The following ACSL4 variants were observed in gnomAD, a reference collection of about 807,000 sequenced individuals.
The protein encoded by ACSL4 is long-chain-fatty-acid--CoA ligase 4.
Under a neutral mutation model 49.1 loss-of-function variants are expected in ACSL4, and 9 were observed. That is an observed-to-expected ratio of 0.18 (90% CI 0.11 to 0.32). The LOEUF (loss-of-function observed/expected upper bound fraction) is 0.32. ACSL4 is among the 10% of genes least tolerant of loss of function. The pLI is 1.00. For synonymous variants in ACSL4, 191 were observed against 170.3 expected (o/e 1.12, Z -0.95); for missense variants, 333 against 493.7 (o/e 0.67, Z 3.08).
Position 109,659,513 on chromosome X carries a change from T to TA in ACSL4, c.1698-3dup, listed in dbSNP as rs748641243. ...AAACTGATCACATAGGACTGATCAC[T>TA]AAAAAAACAGAAAATAAAATAGAAA... On this transcript the variant is annotated splice_region_variant and splice_polypyrimidine_tract_variant and intron_variant, in intron 14 of 15. Coordinates refer to ENST00000672401, the MANE Select transcript of ACSL4 (RefSeq NM_001318510.2). The TA allele has an allele frequency of 9.4e-6, 11 of 1,173,755 alleles. No homozygotes were observed. Among genetic ancestry groups the TA allele is most frequent in the South Asian group, 3.6e-5 (2 of 55,476 alleles).
chrX:109,669,258 TAA>T, intron 9 of ACSL4, 85 bp from the exon 10 acceptor site: 1 of 733,676 alleles, frequency 1.4e-6, no homozygotes, highest in Non-Finnish European at 2.1e-6. Context: ...ACATCTTGGG[TAA>T]AAGTCTTTAG....
chrX:109,725,606 CA>C (rs1375012957), intron 1 of ACSL4, among the ~76,000 whole-genome samples: 4 of 110,226 alleles, frequency 3.6e-5, no homozygotes, highest in Admixed American at 1.9e-4. Flanking sequence ...ACTAAAAATA[CA>C]AAAAAATTAG....
At chrX:109,655,563 C>G (rs1921568816) in intron 15 of ACSL4, among the ~76,000 whole-genome samples, 1 of 110,819 alleles carries the variant, frequency 9.0e-6, no homozygotes, top group Non-Finnish European at 1.9e-5. Context: ...CAGAAACAGA[C>G]ACACAGGGTG....
At chrX:109,720,710 G>C (rs1012957985) in intron 1 of ACSL4, among the ~76,000 whole-genome samples, 5 of 111,858 alleles carry the variant, frequency 4.5e-5, no homozygotes, top group Non-Finnish European at 9.4e-5. Flanking sequence ...CCAGGTTATA[G>C]AAAAACAACT....
In ACSL4 at chrX:109,681,345, T is replaced by C; in HGVS notation, c.437A>G (p.Glu146Gly). 1.7e-6 allele frequency: 2 copies of C among 1,209,183 alleles called. No homozygotes were observed. Among genetic ancestry groups the C allele is most frequent in the Non-Finnish European group, 1.1e-6 (1 of 893,570 alleles). Residue 146 changes from glutamate (E) to glycine (G), a missense_variant, in exon 5 of 16, where the codon GAA becomes GGA. Coordinates refer to ENST00000672401, the MANE Select transcript of ACSL4 (RefSeq NM_001318510.2). ...LVTLYATLGK[E>G]AVVHGLNESE... Reference sequence around the variant, plus strand: ...TTCATTTAGCCCATGAACTACTGCTTCTTTGCCAAGTGTGGCATATAAAGT... The same window carrying C: ...TTCATTTAGCCCATGAACTACTGCTCCTTTGCCAAGTGTGGCATATAAAGT...
chrX:109,661,471 A>C, intron 14 of ACSL4, 60 bp downstream of exon 14: 1 of 832,579 alleles, frequency 1.2e-6, no homozygotes, highest in Non-Finnish European at 1.8e-6. Flanking sequence ...ATATGTAATC[A>C]CATTATTTTC....
chrX:109,733,231 C>G lies in ACSL4; in HGVS notation c.-158G>C. ...AACCGCGTGCCCGCTAGCGCTGGGA[C>G]GAGGAGGAGCGCGCGGCGGAGGCCA... On this transcript the variant is annotated 5_prime_UTR_variant, in exon 1 of 16. Coordinates refer to ENST00000672401, the MANE Select transcript of ACSL4 (RefSeq NM_001318510.2). 3.1e-6 allele frequency: 1 copy of G among 320,995 alleles called. No individual in the cohort carries two copies. Among genetic ancestry groups the G allele is most frequent in the Non-Finnish European group, 6.0e-6 (1 of 166,043 alleles). The allele number at this position is 320,995 out of a possible 1,213,427, so 26.5% of individuals were successfully genotyped here. A position where few individuals can be genotyped will look rare whatever the true frequency, so the allele number is the denominator to read the frequency against.
At chrX:109,659,711 A>T (rs191783664) in intron 14 of ACSL4, among the ~76,000 whole-genome samples, 200 bp from the exon 15 acceptor site, 24 of 111,302 alleles carry the variant, frequency 2.2e-4, no homozygotes, top group Non-Finnish European at 3.8e-4. Context: ...CTAGAAGTAA[A>T]CCCTTGTATC....
Position 109,668,180 on chromosome X carries a change from G to A in ACSL4, c.1236C>T (p.Phe412=). ...TTGGGCAGCAGAAGCAGACATTCAT[G>A]AATCGGTGTGTCTGAGGAGATAGCG... ...GAPLSPQTHR[F]MNVCFCCPIG... The change falls in exon 11 of 16, where the codon TTC becomes TTT. Residue 412 remains phenylalanine, a synonymous_variant. Coordinates refer to ENST00000672401, the MANE Select transcript of ACSL4 (RefSeq NM_001318510.2). 1.7e-6 allele frequency: 2 copies of A among 1,209,131 alleles called. No homozygotes were observed. Among genetic ancestry groups the A allele is most frequent in the South Asian group, 1.8e-5 (1 of 56,905 alleles).
chrX:109,732,827 G>T (rs1304893241), intron 1 of ACSL4, among the ~76,000 whole-genome samples: 1 of 112,006 alleles, frequency 8.9e-6, no homozygotes, highest in Non-Finnish European at 1.9e-5. Context: ...CTAGTACCCC[G>T]ATCAGGAAGA....
At chrX:109,654,823 C>T (rs1331300248) in intron 15 of ACSL4, among the ~76,000 whole-genome samples, 1 of 112,027 alleles carries the variant, frequency 8.9e-6, no homozygotes, top group Non-Finnish European at 1.9e-5. Flanking sequence ...TGCTGCTCTT[C>T]TCAAAGCCAT....
At chrX:109,677,942 C>T in intron 8 of ACSL4, 46 bp downstream of exon 8, 1 of 1,204,888 alleles carries the variant, frequency 8.3e-7, no homozygotes, top group Middle Eastern at 2.3e-4. Context: ...TCAGCCAAAC[C>T]ATGCAGCATC....
At position 109,678,410 on chromosome X, in the gene ACSL4, T is replaced by C. The variant is rs770871971; in HGVS notation, c.661A>G (p.Ile221Val). ...GAAGGCGTTGGTCTACTTGGAGGAATGCCCACTAAATGAATGAATGAAAAA... is the reference window on the plus strand; with the variant it reads ...GAAGGCGTTGGTCTACTTGGAGGAACGCCCACTAAATGAATGAATGAAAAA... ...ELGSNPENLG[I>V]PPSRPTPSDM... is the part of the protein sequence containing the mutation. Residue 221 changes from isoleucine to valine, a missense_variant, in exon 7 of 16, where the codon ATT becomes GTT. Coordinates refer to ENST00000672401, the MANE Select transcript of ACSL4 (RefSeq NM_001318510.2). 3 of 1,211,631 alleles carry C rather than the reference T, an allele frequency of 2.5e-6. No individual in the cohort carries two copies. The highest frequency in any genetic ancestry group is 3.5e-5 in the South Asian group (2 of 57,024).
chrX:109,717,020 C>T (rs748519997), intron 1 of ACSL4, among the ~76,000 whole-genome samples: 7 of 111,738 alleles, frequency 6.3e-5, no homozygotes, highest in Non-Finnish European at 9.4e-5. Flanking sequence ...TAATTCAATC[C>T]TCCTTGAAGC....
In ACSL4 at chrX:109,668,952, C is replaced by T. The variant is rs866219290; in HGVS notation, c.1142+82G>A. 1.9e-4 allele frequency: 157 copies of T among 834,820 alleles called. No homozygotes were observed. The African/African-American group carries it at 2.7e-3, about 14-fold the overall frequency. The allele number at this position is 834,820 out of a possible 1,213,427, so 68.8% of individuals were successfully genotyped here. On this transcript the variant is annotated intron_variant, in intron 10 of 15. Transcript: ENST00000672401. ...GGTGATATTCAAATGAATTAACTTG[C>T]CATTTATTTATTCATCTTCTGGATT...
At chrX:109,651,681 C>A (rs1921149626) in intron 15 of ACSL4, among the ~76,000 whole-genome samples, 1 of 111,600 alleles carries the variant, frequency 9.0e-6, no homozygotes, top group Admixed American at 9.6e-5. Context: ...ATTTGGCCCC[C>A]CAATTTTTTA....
Position 109,724,992 on chromosome X carries a change from A to G in ACSL4, c.-66+8147T>C, listed in dbSNP as rs186331166. 7.9e-3 allele frequency among the ~76,000 whole-genome samples: 871 copies of G among 110,310 alleles called. 13 individuals are homozygous for G. Among genetic ancestry groups the G allele is most frequent in the African/African-American group, 0.027 (831 of 30,371 alleles). ...GGCTGGTCTCAAACTCCTGGCCTCA[A>G]GAGATCTGCCTGCCTTGGCCTTCCA... On this transcript the variant is annotated intron_variant, in intron 1 of 15. Coordinates refer to ENST00000672401, the MANE Select transcript of ACSL4 (RefSeq NM_001318510.2).
At chrX:109,651,533 C>G (rs1452504597) in intron 15 of ACSL4, among the ~76,000 whole-genome samples, 1 of 111,656 alleles carries the variant, frequency 9.0e-6, no homozygotes, top group Non-Finnish European at 1.9e-5. Context: ...CGTAAAGGAA[C>G]ATAAAACTTG....
At chrX:109,663,161 T>A in intron 13 of ACSL4, 50 bp downstream of exon 13, 1 of 1,054,075 alleles carries the variant, frequency 9.5e-7, no homozygotes, top group Non-Finnish European at 1.3e-6. Context: ...CTTTCATATA[T>A]ACTGAAGTTA....
Sources: gnomAD v4.1 joint callset for allele counts (sites outside exome capture counted in the v4.1 genomes callset) on GRCh38, gnomAD v4.1.1 for gene constraint, MANE v1.5 for transcripts, NCBI Gene and HGNC (gene_info 2026-07-23, HGNC 2026-07-21) for gene names.